The following CROCC2 variants were observed in gnomAD, a reference collection of about 807,000 sequenced individuals.
CROCC2 encodes ciliary rootlet coiled-coil protein 2.
CROCC2 carries 163 observed loss-of-function variants against 177.6 expected under a neutral mutation model. The ratio of observed to expected loss-of-function variants is 0.92; its 90% confidence interval spans 0.81 to 1.05. The LOEUF is 1.05. Ranked by LOEUF, CROCC2 falls within the 50% of genes least tolerant of loss-of-function variation. CROCC2 has a pLI of 0.00. For missense variants in CROCC2, 1,929 were observed against 1,797.8 expected, an observed-to-expected ratio of 1.07 and a Z score of -1.32; for synonymous variants, 904 against 787.3, an observed-to-expected ratio of 1.15 and a Z score of -2.48.
Position 240,972,897 on chromosome 2 carries a change from T to C in CROCC2, c.4401+4635T>C, listed in dbSNP as rs1425529111. Among the ~76,000 whole-genome samples the C allele has an allele frequency of 1.3e-5, 2 of 152,056 alleles. No homozygotes were observed. Among genetic ancestry groups the C allele is most frequent in the African/African-American group, 4.8e-5 (2 of 41,406 alleles). On this transcript the variant is annotated intron_variant, in intron 27 of 31. Transcript: ENST00000690015. This position sits in a 1 kb window ranked among gnomAD's most constrained non-coding sequence, Gnocchi z 7.1. ...CCTAAGTCACCAGAGGCCCCCGCTT[T>C]TGACACACAGCAAACCCAGGCAGAG...
At position 240,906,556 on chromosome 2, in the gene CROCC2, C is replaced by T. The variant is rs1384515903; in HGVS notation, c.43C>T (p.Gln15Ter). 1 of 399,066 alleles carries T rather than the reference C, an allele frequency of 2.5e-6. No homozygotes were observed. Among genetic ancestry groups the T allele is most frequent in the Admixed American group, 4.4e-5 (1 of 22,722 alleles). 24.7% of individuals were successfully genotyped at this position (399,066 alleles called of 1,614,324 possible). A position where few individuals can be genotyped will look rare whatever the true frequency, so the allele number is the denominator to read the frequency against. Reference protein sequence around the residue: ...SSEPGNGDASQQPLLGLDTVI... With the variant: ...SSEPGNGDAS ...TGAGCCTGGCAATGGGGACGCCTCC[C>T]AACAGCCCCTACTGGGGCTGGACAC... Residue 15 changes from glutamine (Q) to a stop codon, truncating the protein, a stop_gained, in exon 1 of 32, where the codon CAA (glutamine) becomes TAA (stop). Coordinates refer to ENST00000690015, the MANE Select transcript of CROCC2 (RefSeq NM_001351305.2). LOFTEE classifies it high-confidence loss of function.
At chr2:240,942,767 T>G (rs994157135) in intron 14 of CROCC2, among the ~76,000 whole-genome samples, 1 of 152,202 alleles carries the variant, frequency 6.6e-6, no homozygotes, top group African/African-American at 2.4e-5. Flanking sequence ...ATAACTCTCC[T>G]ATGTTCCTAA....
Position 240,982,909 on chromosome 2 carries a change from T to G in CROCC2, c.4431T>G (p.Leu1477=), listed in dbSNP as rs2059810867. Residue 1477 remains leucine (L), a synonymous_variant, in exon 28 of 32, where the codon CTT becomes CTG. Coordinates refer to ENST00000690015, the MANE Select transcript of CROCC2 (RefSeq NM_001351305.2). This position sits in a 1 kb window ranked among gnomAD's most constrained non-coding sequence, Gnocchi z 4.7. ...QEQLETLRQA[L]EESRRHSQGL... Reference sequence around the variant, plus strand: ...AACTGGAAACGCTGCGCCAGGCTCTTGAAGAGAGCAGGAGGCACAGCCAAG... The same window carrying G: ...AACTGGAAACGCTGCGCCAGGCTCTGGAAGAGAGCAGGAGGCACAGCCAAG... The G allele has an allele frequency of 3.9e-6, 6 of 1,549,982 alleles. No homozygotes were observed. In the African/African-American group the frequency reaches 8.2e-5, roughly 21 times the overall value.
chr2:240,983,306 T>G, intron 28 of CROCC2: 1 of 1,169,850 alleles, frequency 8.5e-7, no homozygotes, highest in South Asian at 1.5e-5. Flanking sequence ...GAGTCAGCTG[T>G]GGACACGCCG....
At chr2:240,947,721 C>T (rs989622030) in intron 15 of CROCC2, among the ~76,000 whole-genome samples, 3 of 152,208 alleles carry the variant, frequency 2.0e-5, no homozygotes, top group Non-Finnish European at 2.9e-5. Context: ...GCTCCACTCT[C>T]GGATCCTCAG....
intron 27 of CROCC2, among the ~76,000 whole-genome samples, chr2:240,980,975 T>C (rs1574795787): frequency 1.2e-5 from 1 of 82,788 alleles, no homozygotes; most frequent in African/African-American, 6.6e-5. Flanking sequence ...GGCTCTGGGG[T>C]AGGAGCCTCA....
intron 15 of CROCC2, among the ~76,000 whole-genome samples, chr2:240,947,557 CTG>C (rs2059530879): frequency 6.6e-6 from 1 of 152,230 alleles, no homozygotes; most frequent in Non-Finnish European, 1.5e-5. Context: ...CGGACACACT[CTG>C]TGTGTTTATC....
At chr2:240,988,420 G>C (rs3922987) in intron 28 of CROCC2, among the ~76,000 whole-genome samples, 1 of 152,092 alleles carries the variant, frequency 6.6e-6, no homozygotes, top group Non-Finnish European at 1.5e-5. Flanking sequence ...AGGGGTTTGC[G>C]GGGTAGCTCC....
intron 1 of CROCC2, among the ~76,000 whole-genome samples, chr2:240,914,891 G>C (rs1447596515): frequency 6.6e-6 from 1 of 152,230 alleles, no homozygotes; most frequent in African/African-American, 2.4e-5. Flanking sequence ...GGGTGTGGGG[G>C]ATTTCCCTCC....
At chr2:240,930,140 G>A in intron 5 of CROCC2, 26 bp from the exon 6 acceptor site, 1 of 540,482 alleles carries the variant, frequency 1.9e-6, no homozygotes, top group East Asian at 3.0e-5. Flanking sequence ...CCAGCCTGAA[G>A]TAGACAGGAG....
intron 28 of CROCC2, chr2:240,983,600 TAGAG>T (rs1373640188): frequency 9.3e-6 from 12 of 1,283,940 alleles, no homozygotes; most frequent in Middle Eastern, 3.2e-4. Flanking sequence ...CGGTGGTCCT[TAGAG>T]AGGAAGGAGG....
intron 18 of CROCC2, among the ~76,000 whole-genome samples, chr2:240,952,028 G>T (rs1050199547): frequency 2.6e-5 from 4 of 152,156 alleles, no homozygotes; most frequent in African/African-American, 9.7e-5. Flanking sequence ...TGTCCCATGG[G>T]GTGATAAGGA....
At chr2:240,915,729 C>A (rs1263581850) in intron 1 of CROCC2, among the ~76,000 whole-genome samples, 1 of 152,176 alleles carries the variant, frequency 6.6e-6, no homozygotes, top group Non-Finnish European at 1.5e-5. Context: ...GGGCCACCCC[C>A]CTCAGGGCCA....
intron 14 of CROCC2, among the ~76,000 whole-genome samples, chr2:240,936,015 G>GA (rs56155367): frequency 2.6e-5 from 4 of 151,800 alleles, no homozygotes; most frequent in African/African-American, 9.7e-5. Context: ...ACTCACTGGA[G>GA]AAAAAAACAG....
intron 14 of CROCC2, among the ~76,000 whole-genome samples, chr2:240,938,304 C>CAGTT (rs899833247): frequency 1.3e-5 from 2 of 152,178 alleles, no homozygotes; most frequent in East Asian, 3.8e-4. Context: ...TACTAATACC[C>CAGTT]AGTTTTTCCA....
intron 10 of CROCC2, 28 bp from the exon 11 acceptor site, chr2:240,933,642 G>T: frequency 1.3e-6 from 2 of 1,547,632 alleles, no homozygotes; most frequent in Non-Finnish European, 1.7e-6. Context: ...GTCCAGGGCC[G>T]CCCCAACTCT....
rs1377167100 is a variant in CROCC2 at position 240,918,330 on chromosome 2, C to T, written c.79-396C>T. Among the ~76,000 whole-genome samples the T allele has an allele frequency of 6.6e-6, 1 of 152,194 alleles. No homozygotes were observed. The highest frequency in any genetic ancestry group is 1.5e-5 in the Non-Finnish European group (1 of 68,030). ...ACCGTGCAAACAAGCTGTGAGACCACCTGCTCCAGGTGGGCGAGGATGTTG... is the reference window on the plus strand; with the variant it reads ...ACCGTGCAAACAAGCTGTGAGACCATCTGCTCCAGGTGGGCGAGGATGTTG... On this transcript the variant is annotated intron_variant, in intron 1 of 31. Transcript: ENST00000690015. The surrounding 1 kb of genome is among the most constrained non-coding windows in gnomAD (Gnocchi z 6.3).
In CROCC2 at chr2:240,935,608, A is replaced by T. The variant is rs555519574; in HGVS notation, c.2169+20A>T. ...GGCCAGGTGAGGACGTCTGCAGGGC[A>T]TGCTGCCGCCGTCTGGGATGCGGCT... On this transcript the variant is annotated intron_variant, in intron 14 of 31. Transcript: ENST00000690015. 5.1e-6 allele frequency: 7 copies of T among 1,381,372 alleles called. No homozygotes were observed. Among genetic ancestry groups the T allele is most frequent in the Non-Finnish European group, 6.5e-6 (7 of 1,068,740 alleles). The allele number at this position is 1,381,372 out of a possible 1,614,324, so 85.6% of individuals were successfully genotyped here.
chr2:240,928,420 T>TTTTG (rs373283458), intron 5 of CROCC2, among the ~76,000 whole-genome samples: 5 of 147,666 alleles, frequency 3.4e-5, no homozygotes, highest in Non-Finnish European at 7.5e-5. Context: ...TGTGCCTGTT[T>TTTTG]TGTGTGTGTG....
Sources: allele counts gnomAD v4.1 joint callset (sites outside exome capture counted in the v4.1 genomes callset), GRCh38; gene constraint gnomAD v4.1.1; non-coding constraint Gnocchi (gnomAD v3.1); transcripts MANE v1.5; gene names NCBI Gene and HGNC (gene_info 2026-07-23, HGNC 2026-07-21).